NFATC3: variants seen among roughly 807,000 people sequenced by gnomAD.
NFATC3 encodes the protein nuclear factor of activated T cells 3.
Under a neutral mutation model 98.6 loss-of-function variants are expected in NFATC3, and 46 were observed. The observed-to-expected ratio is 0.47, with a 90% CI of 0.37 to 0.60. NFATC3 has a LOEUF of 0.60. Among genes scored for constraint, NFATC3 ranks in the 20% least tolerant of loss-of-function variants. NFATC3 has a pLI of 0.00. For synonymous variants in NFATC3, 512 were observed against 472.2 expected (o/e 1.08, Z -1.09); for missense variants, 1,256 against 1,295.5 (o/e 0.97, Z 0.47).
chr16:68,172,379 G>A (rs2039506668), intron 5 of NFATC3, among the ~76,000 whole-genome samples: 1 of 152,136 alleles, frequency 6.6e-6, no homozygotes, highest in Admixed American at 6.6e-5. Flanking sequence ...AAGTGGACCT[G>A]TTTTCCAAAT....
At chr16:68,214,260 C>A in intron 9 of NFATC3, 2 of 1,154,634 alleles carry the variant, frequency 1.7e-6, no homozygotes, top group Non-Finnish European at 2.6e-6. Context: ...ACAGGCTGGG[C>A]ACTGTAGTAG....
chr16:68,209,966 G>T (rs545836637), intron 9 of NFATC3, among the ~76,000 whole-genome samples: 1 of 138,906 alleles, frequency 7.2e-6, no homozygotes, highest in South Asian at 2.3e-4. Context: ...AAGAGTTCAA[G>T]ACCAGCCTGG....
intron 5 of NFATC3, among the ~76,000 whole-genome samples, chr16:68,170,476 T>C (rs1012817537): frequency 1.6e-4 from 24 of 151,192 alleles, no homozygotes; most frequent in African/African-American, 5.6e-4. Context: ...TAGTCAGTAT[T>C]AACCTTTTCT....
At chr16:68,119,251 G>A (rs961299863) in intron 1 of NFATC3, among the ~76,000 whole-genome samples, 6 of 152,048 alleles carry the variant, frequency 3.9e-5, no homozygotes, top group East Asian at 3.9e-4. Flanking sequence ...AACAAGTTCC[G>A]TCAGCACTAC....
At position 68,192,230 on chromosome 16, in the gene NFATC3, A is replaced by AAATATAT. The variant is rs1555522047; in HGVS notation, c.3106+456_3106+457insATATATA. 356 of 82,580 alleles carry AAATATAT rather than the reference A, an allele frequency of 4.3e-3. 34 individuals are homozygous for AAATATAT. Among genetic ancestry groups the AAATATAT allele is most frequent in the African/African-American group, 0.013 (230 of 17,444 alleles). The allele number at this position is 82,580 out of a possible 1,614,324, so 5.1% of individuals were successfully genotyped here. A position where few individuals can be genotyped will look rare whatever the true frequency, so the allele number is the denominator to read the frequency against. On this transcript the variant is annotated intron_variant, in intron 9 of 9. Transcript: ENST00000346183. Reference sequence around the variant, plus strand: ...CTCGGGAAAAAAAAAAAAAAAAAAAAATATATATATATATATATATATATG... The same window carrying AAATATAT: ...CTCGGGAAAAAAAAAAAAAAAAAAAAAATATATATATATATATATATATATATATATG...
chr16:68,153,879 CT>C (rs10719112), intron 3 of NFATC3, among the ~76,000 whole-genome samples: 87,841 of 151,762 alleles, frequency 0.58, 28,545 homozygotes, highest in African/African-American at 0.89. Context: ...TCCCAAAGTG[CT>C]TGGGATTACA....
At chr16:68,111,144 T>C (rs1217449550) in intron 1 of NFATC3, among the ~76,000 whole-genome samples, 1 of 152,168 alleles carries the variant, frequency 6.6e-6, no homozygotes, top group Non-Finnish European at 1.5e-5. Context: ...GTAAGTCTAC[T>C]TGATCACAGC....
intron 1 of NFATC3, chr16:68,089,063 C>T (rs1282824645): frequency 6.1e-6 from 6 of 985,286 alleles, no homozygotes; most frequent in African/African-American, 1.7e-5. Flanking sequence ...TGTTTCAGTT[C>T]TTTGGCTTTT....
At chr16:68,191,936 AC>A in intron 9 of NFATC3, 161 bp downstream of exon 9, 2 of 748,586 alleles carry the variant, frequency 2.7e-6, no homozygotes, top group Non-Finnish European at 4.2e-6. Flanking sequence ...TTTGCCAGGT[AC>A]CACGGCTCAC....
chr16:68,132,629 C>A (rs984893546), intron 3 of NFATC3, among the ~76,000 whole-genome samples: 5 of 152,130 alleles, frequency 3.3e-5, no homozygotes, highest in Non-Finnish European at 5.9e-5. Flanking sequence ...TGTCCATCAG[C>A]TGATGAATGA....
intron 1 of NFATC3, among the ~76,000 whole-genome samples, chr16:68,120,494 G>A (rs554412071): frequency 6.7e-5 from 10 of 149,768 alleles, no homozygotes; most frequent in African/African-American, 2.0e-4. Flanking sequence ...CTTGAGAATC[G>A]CCTGAACTTC....
chr16:68,123,791 C>T (rs1020290663), intron 2 of NFATC3, among the ~76,000 whole-genome samples: 1 of 151,976 alleles, frequency 6.6e-6, no homozygotes, highest in Non-Finnish European at 1.5e-5. Flanking sequence ...TCAAGACCAG[C>T]CTGGGTGACA....
chr16:68,112,650 T>TC (rs1567503247), intron 1 of NFATC3, among the ~76,000 whole-genome samples: 3 of 130,498 alleles, frequency 2.3e-5, no homozygotes, highest in Non-Finnish European at 3.3e-5. Flanking sequence ...TTTTTCGTTT[T>TC]TTTTTTTTTT....
At chr16:68,210,167 G>A (rs142497510) in intron 9 of NFATC3, among the ~76,000 whole-genome samples, 5,778 of 151,974 alleles carry the variant, frequency 0.038, 119 homozygotes, top group Middle Eastern at 0.15. Context: ...GCATGGTGGC[G>A]GGCACCTGTA....
At chr16:68,220,131 A>C (rs988134986) in intron 9 of NFATC3, among the ~76,000 whole-genome samples, 1 of 152,178 alleles carries the variant, frequency 6.6e-6, no homozygotes, top group African/African-American at 2.4e-5. Flanking sequence ...TGGCTGCCAA[A>C]AGTGTGCCAG....
chr16:68,086,526 C>T (rs950956196), intron 1 of NFATC3: 21 of 358,574 alleles, frequency 5.9e-5, no homozygotes, highest in Non-Finnish European at 8.2e-5. Context: ...ATCATGCTTG[C>T]AGGTCAGACC....
Position 68,191,097 on chromosome 16 carries a change from G to T in NFATC3, c.2428G>T (p.Val810Leu). The change falls in exon 9 of 10, where the codon GTG becomes TTG. Residue 810 changes from valine to leucine, a missense_variant. Coordinates refer to ENST00000346183, the MANE Select transcript of NFATC3 (RefSeq NM_173165.3). The stretch of plus-strand genomic sequence containing the variant: ...CTATCAGCCTATGCAAACTAATGTT[G>T]TGTACAATGGACCAACTTGTCTTCC... ...SSYQPMQTNV[V>L]YNGPTCLPIN... 1 of 1,614,184 alleles carries T rather than the reference G, an allele frequency of 6.2e-7. No homozygotes were observed.
intron 1 of NFATC3, among the ~76,000 whole-genome samples, chr16:68,102,483 G>A (rs1250941717): frequency 2.0e-5 from 3 of 151,506 alleles, no homozygotes; most frequent in Non-Finnish European, 2.9e-5. Flanking sequence ...AAATTTGAAG[G>A]CATTGCTCTC....
intron 8 of NFATC3, among the ~76,000 whole-genome samples, chr16:68,186,350 A>T (rs573526757): frequency 2.2e-4 from 33 of 152,178 alleles, no homozygotes; most frequent in Middle Eastern, 3.4e-3. Flanking sequence ...ATCCTGGCTA[A>T]CATGGGGTGA....
Sources: gnomAD v4.1 joint callset for allele counts (sites outside exome capture counted in the v4.1 genomes callset) on GRCh38, gnomAD v4.1.1 for gene constraint, MANE v1.5 for transcripts, NCBI Gene and HGNC (gene_info 2026-07-23, HGNC 2026-07-21) for gene names.